KCNQ4: variants seen among roughly 807,000 people sequenced by gnomAD.
KCNQ4 encodes potassium voltage-gated channel subfamily KQT member 4.
In KCNQ4, 31 loss-of-function variants were observed where a neutral mutation model predicts 72.6. The observed-to-expected ratio is 0.43, with a 90% CI of 0.32 to 0.58. The LOEUF (loss-of-function observed/expected upper bound fraction) is 0.58. Among genes scored for constraint, KCNQ4 ranks in the 20% least tolerant of loss-of-function variants. The pLI, the probability that KCNQ4 is intolerant of heterozygous loss-of-function variation, is 0.08. For synonymous variants in KCNQ4, 405 were observed against 403.7 expected, an observed-to-expected ratio of 1.00 and a Z score of -0.04; for missense variants, 869 against 962.6, an observed-to-expected ratio of 0.90 and a Z score of 1.29.
intron 1 of KCNQ4, among the ~76,000 whole-genome samples, chr1:40,797,617 C>T (rs971833177): frequency 1.3e-5 from 2 of 152,066 alleles, no homozygotes; most frequent in Non-Finnish European, 2.9e-5. Context: ...CTGGGACTGG[C>T]GAGGAGGATG....
Position 40,834,924 on chromosome 1 carries a change from C to T in KCNQ4, c.1614-43C>T, listed in dbSNP as rs1359602387. 5 of 1,609,258 alleles carry T rather than the reference C, an allele frequency of 3.1e-6. No homozygotes were observed. The Admixed American group carries it at 5.0e-5, about 16-fold the overall frequency. ...TGGAGAGGGTGCTGGGAAAGAATCC[C>T]TGCTCTAACAGGACACTCCCTCTGA... On this transcript the variant is annotated intron_variant, in intron 11 of 13. Transcript: ENST00000347132.
chr1:40,838,557 GC>G lies in KCNQ4; in HGVS notation c.*38del. Reference sequence around the variant, plus strand: ...TCAGAGGCAGGGCAGCACACGGCCAGCCCCGCGGCCTGGCGCTCCGACTGCC... The same window carrying G: ...TCAGAGGCAGGGCAGCACACGGCCAGCCCGCGGCCTGGCGCTCCGACTGCC... On this transcript the variant is annotated 3_prime_UTR_variant, in exon 14 of 14. Transcript: ENST00000347132. 6.3e-7 allele frequency: 1 copy of G among 1,598,716 alleles called. No individual in the cohort carries two copies. The highest frequency in any genetic ancestry group is 1.1e-5 in the South Asian group (1 of 90,732).
chr1:40,827,037 A>T (rs1387322878), intron 9 of KCNQ4, among the ~76,000 whole-genome samples: 4 of 151,844 alleles, frequency 2.6e-5, no homozygotes, highest in Non-Finnish European at 5.9e-5. Flanking sequence ...GGTCCTTCTC[A>T]CTCTGACTTT....
At position 40,788,196 on chromosome 1, in the gene KCNQ4, C is replaced by T. The variant is rs1017782322; in HGVS notation, c.314+3789C>T. ...TGTCCTCAGAACCCTCAGGCATCCC[C>T]GCTAGGTCAGTCGGTCCTCACATTT... On this transcript the variant is annotated intron_variant, in intron 1 of 13. Transcript: ENST00000347132. The surrounding 1 kb of genome is among the most constrained non-coding windows in gnomAD (Gnocchi z 4.5). Among the ~76,000 whole-genome samples, 1 of 152,292 alleles carries T rather than the reference C, an allele frequency of 6.6e-6. No homozygotes were observed. Among genetic ancestry groups the T allele is most frequent in the Admixed American group, 6.5e-5 (1 of 15,300 alleles).
intron 13 of KCNQ4, 109 bp from the exon 14 acceptor site, chr1:40,838,202 A>G (rs1450716712): frequency 1.1e-6 from 1 of 930,398 alleles, no homozygotes; most frequent in Non-Finnish European, 1.7e-6. Flanking sequence ...CTTCCCAGAT[A>G]AGCCCCGCCC....
At chr1:40,804,101 C>T (rs1364667642) in intron 1 of KCNQ4, among the ~76,000 whole-genome samples, 1 of 152,208 alleles carries the variant, frequency 6.6e-6, no homozygotes, top group Non-Finnish European at 1.5e-5. Context: ...GTTCTGCTGA[C>T]TCAGAGGACA....
intron 1 of KCNQ4, among the ~76,000 whole-genome samples, chr1:40,807,509 TCTC>T (rs1289014303): frequency 9.2e-5 from 14 of 152,104 alleles, no homozygotes; most frequent in Middle Eastern, 3.4e-3. Context: ...AGGGGAAACT[TCTC>T]CTCCCAGCCC....
chr1:40,812,685 C>T (rs762640718), intron 1 of KCNQ4, among the ~76,000 whole-genome samples: 1 of 152,152 alleles, frequency 6.6e-6, no homozygotes, highest in Non-Finnish European at 1.5e-5. Context: ...TTTTAAGCAG[C>T]GTCCGCCAAA....
At chr1:40,825,696 C>T (rs920274269) in intron 9 of KCNQ4, among the ~76,000 whole-genome samples, 1 of 152,148 alleles carries the variant, frequency 6.6e-6, no homozygotes, top group Admixed American at 6.5e-5. Flanking sequence ...TTCATCCCTA[C>T]CAAACATAGT....
intron 7 of KCNQ4, among the ~76,000 whole-genome samples, chr1:40,821,318 G>A (rs1016677926): frequency 1.3e-5 from 2 of 152,228 alleles, no homozygotes; most frequent in African/African-American, 4.8e-5. Context: ...TTAGGAGGGT[G>A]CCTGGCTGGT....
chr1:40,828,172 C>T (rs569187089), intron 9 of KCNQ4, among the ~76,000 whole-genome samples: 1 of 152,096 alleles, frequency 6.6e-6, no homozygotes, highest in African/African-American at 2.4e-5. Context: ...ATCATGAGGC[C>T]CTAAAGAAAG....
At chr1:40,812,053 T>A (rs1647946835) in intron 1 of KCNQ4, among the ~76,000 whole-genome samples, 1 of 152,168 alleles carries the variant, frequency 6.6e-6, no homozygotes, top group Non-Finnish European at 1.5e-5. Context: ...GACCTCCAGA[T>A]ACTGATCTCT....
chr1:40,800,900 G>T (rs975291884), intron 1 of KCNQ4, among the ~76,000 whole-genome samples: 4 of 152,230 alleles, frequency 2.6e-5, no homozygotes, highest in Non-Finnish European at 5.9e-5. Flanking sequence ...GGATGAGGTG[G>T]AAGAGAGACA....
intron 1 of KCNQ4, among the ~76,000 whole-genome samples, chr1:40,808,893 T>C (rs996289598): frequency 6.6e-6 from 1 of 152,218 alleles, no homozygotes; most frequent in African/African-American, 2.4e-5. Flanking sequence ...GATCTCTTCT[T>C]TGCAGTCAAA....
chr1:40,838,714 G>T lies in KCNQ4; in HGVS notation c.*191G>T. The stretch of plus-strand genomic sequence containing the variant: ...TGCCAGCGCCCCTTCCCCACCTCAG[G>T]AGCGTGAGATGCCAGGTCGCACAGA... On this transcript the variant is annotated 3_prime_UTR_variant, in exon 14 of 14. Transcript: ENST00000347132. The T allele has an allele frequency of 4.7e-6, 3 of 638,508 alleles. No homozygotes were observed. Among genetic ancestry groups the T allele is most frequent in the Non-Finnish European group, 8.4e-6 (3 of 357,662 alleles). The allele number at this position is 638,508 out of a possible 1,614,324, so 39.6% of individuals were successfully genotyped here. A position where few individuals can be genotyped will look rare whatever the true frequency, so the allele number is the denominator to read the frequency against.
intron 1 of KCNQ4, among the ~76,000 whole-genome samples, chr1:40,792,240 A>G (rs60604931): frequency 0.08 from 12,178 of 152,198 alleles, 767 homozygotes; most frequent in African/African-American, 0.17. Context: ...AAAAGCAGGA[A>G]CAGCTTTGTC....
At chr1:40,795,808 G>A (rs1647392953) in intron 1 of KCNQ4, among the ~76,000 whole-genome samples, 1 of 152,206 alleles carries the variant, frequency 6.6e-6, no homozygotes, top group African/African-American at 2.4e-5. Context: ...GGAACTCTAG[G>A]AAAAGAATGC....
intron 1 of KCNQ4, among the ~76,000 whole-genome samples, chr1:40,787,635 C>A (rs1341507155): frequency 6.6e-6 from 1 of 152,190 alleles, no homozygotes; most frequent in African/African-American, 2.4e-5. Context: ...TGAGGGGCCA[C>A]TGAGCCCCTC....
chr1:40,835,615 C>A (rs1366483233), intron 12 of KCNQ4, among the ~76,000 whole-genome samples: 9 of 152,222 alleles, frequency 5.9e-5, no homozygotes, highest in Admixed American at 5.9e-4. Context: ...GAGAAATAGT[C>A]AGTGGGCATT....
Sources: gnomAD v4.1 joint callset for allele counts (sites outside exome capture counted in the v4.1 genomes callset) on GRCh38, gnomAD v4.1.1 for gene constraint, Gnocchi (gnomAD v3.1) non-coding constraint, MANE v1.5 for transcripts, NCBI Gene and HGNC (gene_info 2026-07-23, HGNC 2026-07-21) for gene names.